Variants in ASIC2 observed in about 807,000 individuals in gnomAD.
ASIC2 encodes acid-sensing ion channel 2.
A neutral mutation model predicts 57.3 loss-of-function variants in ASIC2; 25 were observed. The observed-to-expected ratio is 0.44, with a 90% CI of 0.32 to 0.61. The LOEUF (loss-of-function observed/expected upper bound fraction) is 0.61, where lower values mean the gene tolerates loss of function less well. Among genes scored for constraint, ASIC2 ranks in the 20% least tolerant of loss-of-function variants. The pLI, the probability that ASIC2 is intolerant of heterozygous loss-of-function variation, is 0.06. For missense variants in ASIC2, 641 were observed against 738.1 expected (o/e 0.87, Z 1.52); for synonymous variants, 319 against 307.5 (o/e 1.04, Z -0.39).
intron 1 of ASIC2, among the ~76,000 whole-genome samples, chr17:33,793,205 A>G (rs1213767682): frequency 6.6e-6 from 1 of 152,258 alleles, no homozygotes; most frequent in Non-Finnish European, 1.5e-5. Flanking sequence ...AGAAATATCT[A>G]TAGTAATTCA....
chr17:33,550,814 G>A (rs1915729458), intron 1 of ASIC2, among the ~76,000 whole-genome samples: 1 of 152,198 alleles, frequency 6.6e-6, no homozygotes, highest in African/African-American at 2.4e-5. Context: ...AGCAAAAGAA[G>A]CTATGGCAAG....
In ASIC2 at chr17:34,039,907, T is replaced by A. The variant is rs1908042554; in HGVS notation, c.555+116071A>T. On this transcript the variant is annotated intron_variant, in intron 1 of 9. Coordinates refer to the ASIC2 transcript ENST00000359872. The stretch of plus-strand genomic sequence containing the variant: ...CGCCGCCGCCGCTGCCGCTCCACGC[T>A]CCTCCCTGGAGGGACCCCGACCCGA... 1.9e-5 allele frequency: 30 copies of A among 1,562,446 alleles called. 1 individual carries two copies. In the South Asian group the frequency reaches 3.1e-4, roughly 16 times the overall value.
At chr17:33,754,912 C>T (rs981377069) in intron 1 of ASIC2, among the ~76,000 whole-genome samples, 12 of 136,254 alleles carry the variant, frequency 8.8e-5, no homozygotes, top group African/African-American at 2.7e-4. Flanking sequence ...GAGCCAAGAT[C>T]GCACCACTGC....
intron 1 of ASIC2, among the ~76,000 whole-genome samples, chr17:33,552,872 T>C (rs942041762): frequency 1.3e-5 from 2 of 152,204 alleles, no homozygotes. Context: ...ATGGTGGAAA[T>C]GTTTCCCCAG....
At chr17:34,076,629 T>C (rs1407655093) in intron 1 of ASIC2, among the ~76,000 whole-genome samples, 1 of 152,144 alleles carries the variant, frequency 6.6e-6, no homozygotes, top group African/African-American at 2.4e-5. Context: ...GGGCTCTCAT[T>C]GTTCATAATT....
chr17:34,045,869 T>A (rs1198507937), intron 1 of ASIC2, among the ~76,000 whole-genome samples: 1 of 152,232 alleles, frequency 6.6e-6, no homozygotes, highest in Non-Finnish European at 1.5e-5. Context: ...TGAGTCTCTT[T>A]CCCTCAAAAC....
intron 1 of ASIC2, among the ~76,000 whole-genome samples, chr17:33,192,502 T>C (rs578116519): frequency 6.6e-6 from 1 of 152,188 alleles, no homozygotes; most frequent in Non-Finnish European, 1.5e-5. Flanking sequence ...CTGCTATTAA[T>C]GGTGACATTT....
intron 1 of ASIC2, among the ~76,000 whole-genome samples, chr17:33,682,663 A>C (rs1908047316): frequency 6.6e-6 from 1 of 152,068 alleles, no homozygotes; most frequent in African/African-American, 2.4e-5. Flanking sequence ...GAGCCAGTGC[A>C]AACCTTTAAT....
At chr17:34,116,093 G>A (rs1283422650) in intron 1 of ASIC2, among the ~76,000 whole-genome samples, 1 of 152,162 alleles carries the variant, frequency 6.6e-6, no homozygotes, top group East Asian at 1.9e-4. Flanking sequence ...GACAACTCTT[G>A]ACAAAGTCAC....
At chr17:33,946,596 C>T (rs111988083) in intron 1 of ASIC2, among the ~76,000 whole-genome samples, 140 of 152,314 alleles carry the variant, frequency 9.2e-4, no homozygotes, top group African/African-American at 3.2e-3. Context: ...GAGACATGTT[C>T]ACTGCCTTCT....
chr17:33,994,810 C>A (rs1446860942), intron 1 of ASIC2, among the ~76,000 whole-genome samples: 1 of 152,082 alleles, frequency 6.6e-6, no homozygotes, highest in Admixed American at 6.5e-5. Flanking sequence ...GATGATTCTA[C>A]ACCTACTAGG....
At chr17:34,061,599 A>C (rs778753444) in intron 1 of ASIC2, among the ~76,000 whole-genome samples, 1 of 152,184 alleles carries the variant, frequency 6.6e-6, no homozygotes, top group Non-Finnish European at 1.5e-5. Context: ...ATAAGAACTC[A>C]CCAATCAACT....
At chr17:34,005,133 A>T (rs1320664528) in intron 1 of ASIC2, 1 of 152,034 alleles carries the variant, frequency 6.6e-6, no homozygotes, top group Non-Finnish European at 1.5e-5. Context: ...TAAAAGATTC[A>T]TCTTCATAAA....
intron 1 of ASIC2, among the ~76,000 whole-genome samples, chr17:33,313,015 G>T (rs374475686): frequency 1.3e-5 from 2 of 152,314 alleles, no homozygotes; most frequent in African/African-American, 4.8e-5. Flanking sequence ...GTTAGCATAA[G>T]AGCAGCCCTG....
At chr17:33,188,242 A>C (rs1242240229) in intron 1 of ASIC2, among the ~76,000 whole-genome samples, 11 of 152,170 alleles carry the variant, frequency 7.2e-5, no homozygotes. Flanking sequence ...CAGTGACATT[A>C]AAGACACAGT....
At chr17:33,190,770 A>G (rs571946197) in intron 1 of ASIC2, among the ~76,000 whole-genome samples, 1 of 152,310 alleles carries the variant, frequency 6.6e-6, no homozygotes, top group South Asian at 2.1e-4. Context: ...CCACAATGAG[A>G]TGCCACTACA....
intron 1 of ASIC2, among the ~76,000 whole-genome samples, chr17:33,502,195 C>G (rs555432400): frequency 1.1e-4 from 16 of 152,194 alleles, no homozygotes; most frequent in African/African-American, 3.6e-4. Context: ...GACAGTGATT[C>G]TCTATAAAAA....
intron 1 of ASIC2, among the ~76,000 whole-genome samples, chr17:33,966,327 T>G (rs1905072200): frequency 6.6e-6 from 1 of 152,200 alleles, no homozygotes. Context: ...TGTCATTCTG[T>G]AGCTGTGTGA....
intron 1 of ASIC2, among the ~76,000 whole-genome samples, chr17:33,552,242 A>G (rs1482490645): frequency 6.6e-6 from 1 of 152,186 alleles, no homozygotes. Flanking sequence ...CCAATTTCCA[A>G]AGCCTTTTAT....
Sources: allele counts gnomAD v4.1 joint callset (sites outside exome capture counted in the v4.1 genomes callset), GRCh38; gene constraint gnomAD v4.1.1; transcripts MANE v1.5; gene names NCBI Gene and HGNC (gene_info 2026-07-23, HGNC 2026-07-21).